HIP1: variants seen among roughly 807,000 people sequenced by gnomAD.
HIP1 encodes huntingtin-interacting protein 1.
HIP1 carries 65 observed loss-of-function variants against 147.6 expected under a neutral mutation model. The observed-to-expected ratio is 0.44, with a 90% CI of 0.36 to 0.54. The LOEUF is 0.54. HIP1 is among the 20% of genes least tolerant of loss of function. The pLI is 0.00. For missense variants in HIP1, 1,061 were observed against 1,299.6 expected, an observed-to-expected ratio of 0.82 and a Z score of 2.82; for synonymous variants, 479 against 504.0, an observed-to-expected ratio of 0.95 and a Z score of 0.67.
At chr7:75,664,165 T>C (rs376819125) in intron 1 of HIP1, among the ~76,000 whole-genome samples, 84 of 45,362 alleles carry the variant, frequency 1.9e-3, no homozygotes, top group Admixed American at 4.7e-3. Flanking sequence ...TGTGTATATT[T>C]ACATACATAT....
chr7:75,669,399 A>C (rs1799669297), intron 1 of HIP1, among the ~76,000 whole-genome samples: 1 of 151,732 alleles, frequency 6.6e-6, no homozygotes, highest in Non-Finnish European at 1.5e-5. Context: ...ACAAAACAAA[A>C]AAACAACAAA....
At chr7:75,539,844 A>C (rs587740535) in intron 29 of HIP1, among the ~76,000 whole-genome samples, 1 of 152,214 alleles carries the variant, frequency 6.6e-6, no homozygotes, top group African/African-American at 2.4e-5. Flanking sequence ...CCTAAATGGT[A>C]GGTGGGCTTA....
chr7:75,563,851 TTGGGTGGATA>T (rs782492171), intron 9 of HIP1, among the ~76,000 whole-genome samples: 1 of 152,228 alleles, frequency 6.6e-6, no homozygotes, highest in Non-Finnish European at 1.5e-5. Context: ...TGTCCTAATC[TTGGGTGGATA>T]TGCACATGAA....
At chr7:75,583,754 ATTTGTGTGTG>A (rs1563220479) in intron 5 of HIP1, among the ~76,000 whole-genome samples, 1 of 83,614 alleles carries the variant, frequency 1.2e-5, no homozygotes, top group African/African-American at 5.0e-5. Flanking sequence ...ATGCGGGCTA[ATTTGTGTGTG>A]TGTGTGTGTG....
At chr7:75,562,906 G>A in intron 11 of HIP1, 29 bp downstream of exon 11, 2 of 1,612,674 alleles carry the variant, frequency 1.2e-6, no homozygotes, top group Admixed American at 3.3e-5. Context: ...GAGAGGAAAG[G>A]CCAAGTTTCT....
chr7:75,591,165 TG>T (rs1298188145), intron 4 of HIP1, among the ~76,000 whole-genome samples: 3 of 151,906 alleles, frequency 2.0e-5, no homozygotes, highest in Non-Finnish European at 2.9e-5. Flanking sequence ...CCCGAGTAGC[TG>T]GGATTACAGG....
At position 75,541,469 on chromosome 7, in the gene HIP1, T is replaced by C. The variant is rs1263002041; in HGVS notation, c.2952+450A>G. ...TGGCGTGAACCTGAGAGAGGGAGCT[T>C]GCAGTGAGCCGAGATCACACCACTG... On this transcript the variant is annotated intron_variant, in intron 29 of 30. Coordinates refer to ENST00000336926, the MANE Select transcript of HIP1 (RefSeq NM_005338.7). Among the ~76,000 whole-genome samples the C allele has an allele frequency of 4.8e-5, 7 of 147,050 alleles. No homozygotes were observed. The East Asian group carries it at 1.2e-3, about 26-fold the overall frequency.
chr7:75,655,226 G>C (rs1210726240), intron 1 of HIP1, among the ~76,000 whole-genome samples: 1 of 152,144 alleles, frequency 6.6e-6, no homozygotes, highest in African/African-American at 2.4e-5. Flanking sequence ...AGAAAGGAAT[G>C]AGGTTCTGAT....
chr7:75,569,429 C>T (rs903980788), intron 8 of HIP1, among the ~76,000 whole-genome samples: 2 of 151,844 alleles, frequency 1.3e-5, no homozygotes, highest in African/African-American at 4.8e-5. Flanking sequence ...CATAGTGAGA[C>T]CCCCATCTCT....
At chr7:75,652,014 A>G (rs1326724173) in intron 1 of HIP1, among the ~76,000 whole-genome samples, 2 of 90,742 alleles carry the variant, frequency 2.2e-5, no homozygotes, top group Admixed American at 2.1e-4. Flanking sequence ...GTCTCAAAGA[A>G]AAAAAAAAAG....
At position 75,661,652 on chromosome 7, in the gene HIP1, G is replaced by C. The variant is rs188696584; in HGVS notation, c.121-62405C>G. Among the ~76,000 whole-genome samples, 421 of 151,836 alleles carry C rather than the reference G, an allele frequency of 2.8e-3. 5 individuals carry two copies. Among genetic ancestry groups the C allele is most frequent in the Non-Finnish European group, 4.3e-3 (292 of 67,972 alleles). ...AGGGGCCCTGAAAGAAGGGGGAGTGGGTCCAGTCCTGCCGAGATCCCCAAG... is the reference window on the plus strand; with the variant it reads ...AGGGGCCCTGAAAGAAGGGGGAGTGCGTCCAGTCCTGCCGAGATCCCCAAG... On this transcript the variant is annotated intron_variant, in intron 1 of 30. Transcript: ENST00000336926.
At chr7:75,698,251 G>T (rs188675064) in intron 1 of HIP1, among the ~76,000 whole-genome samples, 2 of 152,172 alleles carry the variant, frequency 1.3e-5, no homozygotes, top group East Asian at 3.9e-4. Context: ...GGGCTCACTA[G>T]ATGCCAGTCA....
At chr7:75,578,187 G>A (rs1209487497) in intron 7 of HIP1, among the ~76,000 whole-genome samples, 2 of 152,146 alleles carry the variant, frequency 1.3e-5, no homozygotes, top group Admixed American at 6.6e-5. Context: ...ATGACCCAAA[G>A]GTTGAAACAT....
chr7:75,690,684 G>C (rs1447968951), intron 1 of HIP1, among the ~76,000 whole-genome samples: 1 of 152,000 alleles, frequency 6.6e-6, no homozygotes, highest in Non-Finnish European at 1.5e-5. Flanking sequence ...CCAACATGGA[G>C]AAACCCCATC....
intron 1 of HIP1, chr7:75,639,114 C>T (rs964160653): frequency 8.1e-6 from 8 of 984,654 alleles, no homozygotes; most frequent in Non-Finnish European, 9.6e-6. Flanking sequence ...ATCCCGCTTC[C>T]CCCAAAGCTG....
intron 1 of HIP1, among the ~76,000 whole-genome samples, chr7:75,703,296 C>T (rs918822715): frequency 4.6e-5 from 7 of 150,786 alleles, no homozygotes; most frequent in Admixed American, 6.6e-5. Flanking sequence ...TGCAGTGAGC[C>T]GAGATCATGC....
chr7:75,646,210 G>A (rs1798796839), intron 1 of HIP1, among the ~76,000 whole-genome samples: 1 of 152,134 alleles, frequency 6.6e-6, no homozygotes, highest in South Asian at 2.1e-4. Flanking sequence ...CTCCCAAGTA[G>A]CTGGGATTAC....
intron 1 of HIP1, 96 bp from the exon 2 acceptor site, chr7:75,599,343 T>A: frequency 1.1e-6 from 1 of 950,178 alleles, no homozygotes; most frequent in Non-Finnish European, 1.7e-6. Context: ...TTTCTCCTCC[T>A]CCAGCCAACC....
At chr7:75,723,339 T>A (rs1403410006) in intron 1 of HIP1, among the ~76,000 whole-genome samples, 1 of 152,040 alleles carries the variant, frequency 6.6e-6, no homozygotes, top group Non-Finnish European at 1.5e-5. Context: ...GCCATTGCAC[T>A]CCACCCTGGG....
Sources: allele counts gnomAD v4.1 joint callset (sites outside exome capture counted in the v4.1 genomes callset), GRCh38; gene constraint gnomAD v4.1.1; transcripts MANE v1.5; gene names NCBI Gene and HGNC (gene_info 2026-07-23, HGNC 2026-07-21).